Variants in SEMA3C observed in about 807,000 individuals in gnomAD.
SEMA3C encodes the protein semaphorin 3C.
Under a neutral mutation model 89.4 loss-of-function variants are expected in SEMA3C, and 47 were observed. The ratio of observed to expected loss-of-function variants is 0.53; its 90% CI spans 0.42 to 0.67. The LOEUF is 0.67. Ranked by LOEUF, SEMA3C falls within the 30% of genes least tolerant of loss-of-function variation. The pLI is 0.00. For synonymous variants in SEMA3C, 310 were observed against 320.2 expected (o/e 0.97, Z 0.34); for missense variants, 839 against 929.1 (o/e 0.90, Z 1.26).
chr7:80,828,032 C>A (rs962966560), intron 3 of SEMA3C, among the ~76,000 whole-genome samples: 1 of 152,086 alleles, frequency 6.6e-6, no homozygotes, highest in African/African-American at 2.4e-5. Context: ...TGGCAATAAT[C>A]ATTAATTTTT....
intron 2 of SEMA3C, among the ~76,000 whole-genome samples, chr7:80,863,819 A>ATCACATATG (rs1562911864): frequency 7.7e-6 from 1 of 129,772 alleles, no homozygotes; most frequent in African/African-American, 3.4e-5. Flanking sequence ...TGATACATAT[A>ATCACATATG]TATGTGATAT....
At chr7:80,920,533 C>G (rs921351941), upstream of SEMA3C, among the ~76,000 whole-genome samples, 1 of 152,120 alleles carries the variant, frequency 6.6e-6, no homozygotes, top group South Asian at 2.1e-4. Flanking sequence ...TGGGGCCCAC[C>G]TCTTGTGTTC....
chr7:80,864,068 A>C (rs1790867775), intron 2 of SEMA3C, among the ~76,000 whole-genome samples: 1 of 151,958 alleles, frequency 6.6e-6, no homozygotes, highest in Admixed American at 6.6e-5. Context: ...AGCCATAAAA[A>C]CGAATGAATT....
intron 12 of SEMA3C, among the ~76,000 whole-genome samples, chr7:80,787,419 G>T (rs897349569): frequency 1.3e-5 from 2 of 150,784 alleles, no homozygotes; most frequent in South Asian, 2.1e-4. Flanking sequence ...AAAAAAAGGT[G>T]GGGGACAATA....
At chr7:80,812,940 C>A (rs1398347897) in intron 5 of SEMA3C, among the ~76,000 whole-genome samples, 1 of 150,730 alleles carries the variant, frequency 6.6e-6, no homozygotes, top group African/African-American at 2.4e-5. Context: ...GGAAGCACCA[C>A]CACGCCTGGC....
intron 1 of SEMA3C, 64 bp downstream of exon 1, chr7:80,918,749 GTATGAAAAATCAATA>G: frequency 1.2e-6 from 1 of 858,202 alleles, no homozygotes; most frequent in Non-Finnish European, 1.4e-6. Flanking sequence ...GCATACCAAT[GTATGAAAAATCAATA>G]TACAGGCCAA....
chr7:80,789,560 T>C, intron 11 of SEMA3C, 32 bp from the exon 12 acceptor site: 2 of 1,438,664 alleles, frequency 1.4e-6, no homozygotes, highest in Non-Finnish European at 9.4e-7. Flanking sequence ...ACCAAGTTAA[T>C]AAAATAGTTG....
intron 2 of SEMA3C, among the ~76,000 whole-genome samples, chr7:80,903,462 A>G (rs1265392180): frequency 6.6e-6 from 1 of 152,196 alleles, no homozygotes; most frequent in Non-Finnish European, 1.5e-5. Context: ...GGAGTTCAGG[A>G]CCAGCCTGGC....
intron 4 of SEMA3C, among the ~76,000 whole-genome samples, chr7:80,825,199 TAAGTA>T (rs1484839827): frequency 6.6e-6 from 1 of 152,182 alleles, no homozygotes; most frequent in Admixed American, 6.5e-5. Flanking sequence ...TCCCATAGCC[TAAGTA>T]AAGGACACTT....
intron 2 of SEMA3C, among the ~76,000 whole-genome samples, chr7:80,862,171 T>C (rs1317053486): frequency 6.6e-6 from 1 of 152,118 alleles, no homozygotes; most frequent in East Asian, 1.9e-4. Context: ...TTGCTGATGA[T>C]AGGACCATTT....
chr7:80,791,167 A>G lies in SEMA3C; in HGVS notation c.1132-1639T>C, dbSNP rs552469910. Among the ~76,000 whole-genome samples the G allele has an allele frequency of 3.3e-5, 5 of 151,536 alleles. No individual in the cohort carries two copies. In the South Asian group the frequency reaches 1.0e-3, roughly 32 times the overall value. ...ACAGCGTCAGCAGTTCTGGCAAGGG[A>G]ACCTGACAGGGCTTCTGAGGAGAAG... On this transcript the variant is annotated intron_variant, in intron 11 of 17. Transcript: ENST00000265361.
intron 14 of SEMA3C, among the ~76,000 whole-genome samples, chr7:80,761,321 G>C (rs147947863): frequency 6.6e-6 from 1 of 151,834 alleles, no homozygotes; most frequent in African/African-American, 2.4e-5. Flanking sequence ...TTTTTATTTC[G>C]GTTGGCTTCA....
intron 12 of SEMA3C, among the ~76,000 whole-genome samples, chr7:80,781,736 C>G (rs1430772630): frequency 3.3e-5 from 5 of 152,164 alleles, no homozygotes; most frequent in Non-Finnish European, 4.4e-5. Context: ...AGACAATAGA[C>G]TGCATCATTT....
intron 7 of SEMA3C, 56 bp downstream of exon 7, chr7:80,805,583 T>G (rs1789319476): frequency 1.4e-6 from 2 of 1,470,412 alleles, no homozygotes. Context: ...AGGATAGAAT[T>G]AAATAAGTTA....
chr7:80,879,902 T>C (rs577776225), intron 2 of SEMA3C, among the ~76,000 whole-genome samples: 4 of 152,304 alleles, frequency 2.6e-5, no homozygotes, highest in East Asian at 1.9e-4. Flanking sequence ...GTGACGTTTA[T>C]AGAATTTCCA....
At chr7:80,869,895 T>G (rs1422897181) in intron 2 of SEMA3C, among the ~76,000 whole-genome samples, 1 of 152,178 alleles carries the variant, frequency 6.6e-6, no homozygotes, top group Non-Finnish European at 1.5e-5. Context: ...GTACTTCTAC[T>G]TCCTGGCTAC....
chr7:80,852,082 C>T lies in SEMA3C; in HGVS notation c.104-23337G>A, dbSNP rs533248483. Among the ~76,000 whole-genome samples, 47 of 152,294 alleles carry T rather than the reference C, an allele frequency of 3.1e-4. 1 individual carries two copies. In the South Asian group the frequency reaches 7.9e-3, roughly 26 times the overall value. ...CTCAGGCTGCTAATGCAAACAATGACAGAGTGTTGCCACAGATGAGGCATT... is the reference window on the plus strand; with the variant it reads ...CTCAGGCTGCTAATGCAAACAATGATAGAGTGTTGCCACAGATGAGGCATT... On this transcript the variant is annotated intron_variant, in intron 2 of 17. Coordinates refer to ENST00000265361, the MANE Select transcript of SEMA3C (RefSeq NM_006379.5).
intron 15 of SEMA3C, among the ~76,000 whole-genome samples, chr7:80,753,646 T>C (rs772548452): frequency 6.6e-6 from 1 of 152,222 alleles, no homozygotes; most frequent in Non-Finnish European, 1.5e-5. Context: ...GGCAGAGTAA[T>C]ATTGTATTGC....
intron 2 of SEMA3C, among the ~76,000 whole-genome samples, chr7:80,916,003 T>C (rs1036092816): frequency 6.6e-6 from 1 of 152,170 alleles, no homozygotes; most frequent in South Asian, 2.1e-4. Flanking sequence ...TCCTTTGAAC[T>C]ATATACATTA....
Sources: allele counts gnomAD v4.1 joint callset (sites outside exome capture counted in the v4.1 genomes callset), GRCh38; gene constraint gnomAD v4.1.1; transcripts MANE v1.5; gene names NCBI Gene and HGNC (gene_info 2026-07-23, HGNC 2026-07-21).